Variants in DCLK1 observed in about 807,000 individuals in gnomAD.
The protein encoded by DCLK1 is doublecortin like kinase 1, also known as serine/threonine-protein kinase DCLK1.
Under a neutral mutation model 86.2 loss-of-function variants are expected in DCLK1, and 16 were observed. The observed-to-expected ratio is 0.19, with a 90% confidence interval of 0.13 to 0.28. The LOEUF is 0.28. Among genes scored for constraint, DCLK1 ranks in the 10% least tolerant of loss-of-function variants. The probability of loss-of-function intolerance (pLI) is 1.00; values close to 1 mark genes in which losing one functional copy is unlikely to be tolerated. For missense variants in DCLK1, 590 were observed against 940.2 expected, an observed-to-expected ratio of 0.63 and a Z score of 4.87; for synonymous variants, 369 against 370.5, an observed-to-expected ratio of 1.00 and a Z score of 0.05.
intron 3 of DCLK1, among the ~76,000 whole-genome samples, chr13:35,960,671 G>C (rs1336769498): frequency 6.6e-6 from 1 of 152,020 alleles, no homozygotes; most frequent in African/African-American, 2.4e-5. Flanking sequence ...GCCCAGGCTG[G>C]TCTTGAACCC....
chr13:35,825,973 C>T (rs939143125), intron 10 of DCLK1, among the ~76,000 whole-genome samples: 1 of 151,674 alleles, frequency 6.6e-6, no homozygotes, highest in South Asian at 2.1e-4. Context: ...CCACCATGCC[C>T]GGCTAATTTT....
At chr13:36,008,554 C>G (rs1327529131) in intron 3 of DCLK1, among the ~76,000 whole-genome samples, 65 of 126,296 alleles carry the variant, frequency 5.1e-4, no homozygotes, top group Non-Finnish European at 9.6e-4. Flanking sequence ...GACATGAACT[C>G]ATCATTTTTT....
At chr13:36,100,077 T>TC (rs1411981950) in intron 3 of DCLK1, among the ~76,000 whole-genome samples, 2 of 147,636 alleles carry the variant, frequency 1.4e-5, no homozygotes, top group African/African-American at 2.5e-5. Flanking sequence ...GCATGGTGGC[T>TC]CACACCTGTA....
intron 10 of DCLK1, among the ~76,000 whole-genome samples, chr13:35,823,391 T>C (rs914271891): frequency 2.0e-5 from 3 of 147,306 alleles, no homozygotes; most frequent in African/African-American, 7.8e-5. Flanking sequence ...ACAATCCCCT[T>C]CATACACTAG....
chr13:36,123,036 G>A (rs1249957260), intron 2 of DCLK1, among the ~76,000 whole-genome samples: 1 of 152,194 alleles, frequency 6.6e-6, no homozygotes, highest in African/African-American at 2.4e-5. Flanking sequence ...GAGAGCAAGT[G>A]AGAAAGAGCA....
intron 6 of DCLK1, chr13:35,848,911 C>A (rs1364199767): frequency 1.0e-6 from 1 of 985,180 alleles, no homozygotes; most frequent in Non-Finnish European, 1.2e-6. Context: ...ACTGTTTCAG[C>A]TAAAATAAAG....
At chr13:35,878,896 C>T (rs368685173) in intron 4 of DCLK1, among the ~76,000 whole-genome samples, 4 of 152,188 alleles carry the variant, frequency 2.6e-5, no homozygotes, top group African/African-American at 9.6e-5. Context: ...GGTGATTCTC[C>T]TGCCTCAGCC....
chr13:35,822,606 G>C (rs2087422255), intron 11 of DCLK1, 123 bp downstream of exon 11: 3 of 1,403,946 alleles, frequency 2.1e-6, no homozygotes, highest in African/African-American at 2.9e-5. Flanking sequence ...GCTCCTGAAG[G>C]CTAACTGGAA....
chr13:35,914,335 ATATATATATATATAC>A (rs1566600184), intron 4 of DCLK1, among the ~76,000 whole-genome samples: 10 of 2,162 alleles, frequency 4.6e-3, no homozygotes, highest in African/African-American at 0.019. Flanking sequence ...AAAAAAAAAT[ATATATATATATATAC>A]ATATATATAT....
chr13:36,014,030 C>A (rs1051960798), intron 3 of DCLK1, among the ~76,000 whole-genome samples: 3 of 152,234 alleles, frequency 2.0e-5, no homozygotes. Flanking sequence ...ACCCCTTGTG[C>A]TTCCCAGGTG....
chr13:35,959,767 C>T (rs1878351896), intron 3 of DCLK1, among the ~76,000 whole-genome samples: 1 of 151,950 alleles, frequency 6.6e-6, no homozygotes, highest in African/African-American at 2.4e-5. Flanking sequence ...CACTTCAGCT[C>T]CTGTAATTTC....
chr13:35,808,179 T>C (rs779337469), intron 14 of DCLK1, 45 bp downstream of exon 14: 24 of 1,527,634 alleles, frequency 1.6e-5, no homozygotes, highest in Non-Finnish European at 2.1e-5. Flanking sequence ...ATAATTCCGT[T>C]AAGACACACA....
intron 3 of DCLK1, among the ~76,000 whole-genome samples, chr13:36,090,862 C>G (rs984956289): frequency 2.6e-5 from 4 of 152,098 alleles, no homozygotes; most frequent in African/African-American, 9.7e-5. Context: ...CCCTACCCCA[C>G]TCCACCCCAT....
intron 4 of DCLK1, among the ~76,000 whole-genome samples, chr13:35,880,955 T>A (rs1441513722): frequency 6.6e-6 from 1 of 152,228 alleles, no homozygotes; most frequent in African/African-American, 2.4e-5. Flanking sequence ...ACATGTCATA[T>A]GTTCCACATT....
intron 3 of DCLK1, among the ~76,000 whole-genome samples, chr13:35,976,623 C>T (rs1383505880): frequency 2.7e-5 from 4 of 148,324 alleles, no homozygotes; most frequent in Admixed American, 2.1e-4. Flanking sequence ...CTCCGCCTCC[C>T]GGGTTCATTT....
rs571815646 is a variant in DCLK1, at chr13:35,822,589, C to T, written c.1554+140G>A. 6.6e-6 allele frequency: 8 copies of T among 1,215,856 alleles called. No individual in the cohort carries two copies. In the African/African-American group the frequency reaches 1.2e-4, roughly 19 times the overall value. The allele number at this position is 1,215,856 out of a possible 1,614,324, so 75.3% of individuals were successfully genotyped here. ...CTAGATCAACCTAAAAGGCTAGTTTCCAACTAGCTCCTGAAGGCTAACTGG... is the reference window on the plus strand; with the variant it reads ...CTAGATCAACCTAAAAGGCTAGTTTTCAACTAGCTCCTGAAGGCTAACTGG... On this transcript the variant is annotated intron_variant, in intron 11 of 16. Transcript: ENST00000360631.
chr13:35,873,067 A>T (rs537548968), intron 4 of DCLK1, among the ~76,000 whole-genome samples: 87 of 151,944 alleles, frequency 5.7e-4, no homozygotes, highest in Non-Finnish European at 1.1e-3. Context: ...TTTCTTCTTT[A>T]TATTTTCCAA....
At chr13:35,782,695 A>T (rs1467123195) in intron 16 of DCLK1, among the ~76,000 whole-genome samples, 1 of 152,214 alleles carries the variant, frequency 6.6e-6, no homozygotes. Context: ...TTATTTGTTA[A>T]CTTAACAAAT....
At chr13:36,018,061 C>A (rs529757895) in intron 3 of DCLK1, among the ~76,000 whole-genome samples, 1 of 152,306 alleles carries the variant, frequency 6.6e-6, no homozygotes, top group South Asian at 2.1e-4. Context: ...GAAAGATTAA[C>A]ACACTTGCCT....
Sources: allele counts gnomAD v4.1 joint callset (sites outside exome capture counted in the v4.1 genomes callset), GRCh38; gene constraint gnomAD v4.1.1; transcripts MANE v1.5; gene names NCBI Gene and HGNC (gene_info 2026-07-23, HGNC 2026-07-21).